PIGK: variants seen among roughly 807,000 people sequenced by gnomAD.
The protein encoded by PIGK is phosphatidylinositol glycan anchor biosynthesis class K, also known as GPI-anchor transamidase.
PIGK carries 42 observed loss-of-function variants against 50.6 expected under a neutral mutation model. The observed-to-expected ratio is 0.83, with a 90% CI of 0.65 to 1.07. The LOEUF is 1.07. Ranked by LOEUF, PIGK falls within the 50% of genes least tolerant of loss-of-function variation. The probability of loss-of-function intolerance (pLI) is 0.00; values close to 1 mark genes in which losing one functional copy is unlikely to be tolerated. For synonymous variants in PIGK, 151 were observed against 156.0 expected, an observed-to-expected ratio of 0.97 and a Z score of 0.24; for missense variants, 448 against 488.7, an observed-to-expected ratio of 0.92 and a Z score of 0.78.
At chr1:77,133,091 A>T (rs1326860922) in intron 9 of PIGK, among the ~76,000 whole-genome samples, 2 of 151,998 alleles carry the variant, frequency 1.3e-5, no homozygotes, top group African/African-American at 4.8e-5. Flanking sequence ...CACTTTAAAT[A>T]TTGTCTGTTC....
chr1:77,100,131 A>G (rs1028749314), intron 10 of PIGK, among the ~76,000 whole-genome samples: 1 of 152,210 alleles, frequency 6.6e-6, no homozygotes, highest in African/African-American at 2.4e-5. Flanking sequence ...AAATTATGTA[A>G]AAAGAAAAAA....
intron 3 of PIGK, among the ~76,000 whole-genome samples, chr1:77,198,189 T>G (rs1219015250): frequency 1.3e-5 from 2 of 152,130 alleles, no homozygotes. Flanking sequence ...TGAATTGCTT[T>G]CATTTATCCT....
At chr1:77,122,191 G>A (rs1315510496) in intron 10 of PIGK, 84 bp downstream of exon 10, 1 of 866,160 alleles carries the variant, frequency 1.2e-6, no homozygotes, top group African/African-American at 1.7e-5. Flanking sequence ...ATAGCACATT[G>A]ATTCTGAAAA....
chr1:77,172,953 C>T (rs1464996885), intron 3 of PIGK, among the ~76,000 whole-genome samples: 2 of 152,000 alleles, frequency 1.3e-5, no homozygotes, highest in Non-Finnish European at 2.9e-5. Flanking sequence ...AATAAATTTG[C>T]AGGGATTTTT....
chr1:77,186,116 A>G (rs928416483), intron 3 of PIGK, among the ~76,000 whole-genome samples: 2 of 152,202 alleles, frequency 1.3e-5, no homozygotes, highest in Non-Finnish European at 2.9e-5. Context: ...TTACATGAGG[A>G]GGTGGCTCAA....
intron 9 of PIGK, among the ~76,000 whole-genome samples, chr1:77,132,559 G>A (rs749813910): frequency 6.6e-6 from 1 of 151,830 alleles, no homozygotes; most frequent in Non-Finnish European, 1.5e-5. Flanking sequence ...TTAATTCTAT[G>A]AATACTTTAA....
chr1:77,173,388 G>A (rs573370724), intron 3 of PIGK, among the ~76,000 whole-genome samples: 1 of 152,248 alleles, frequency 6.6e-6, no homozygotes, highest in South Asian at 2.1e-4. Context: ...ACAACTGGTT[G>A]GGCAGCAACT....
At chr1:77,152,915 G>A (rs759119140) in intron 9 of PIGK, among the ~76,000 whole-genome samples, 4 of 152,060 alleles carry the variant, frequency 2.6e-5, no homozygotes, top group Non-Finnish European at 5.9e-5. Flanking sequence ...ACTATTGGTG[G>A]GAATGCAAAA....
At chr1:77,180,620 T>C (rs904834728) in intron 3 of PIGK, among the ~76,000 whole-genome samples, 3 of 149,954 alleles carry the variant, frequency 2.0e-5, no homozygotes, top group African/African-American at 7.4e-5. Flanking sequence ...TTGGTTTTTA[T>C]ATATTTTAGG....
chr1:77,098,868 T>A (rs902352555), intron 10 of PIGK, among the ~76,000 whole-genome samples: 1 of 152,196 alleles, frequency 6.6e-6, no homozygotes, highest in Admixed American at 6.6e-5. Flanking sequence ...ATCATTTTTC[T>A]TCATCATAAA....
chr1:77,174,774 C>T (rs1655444900), intron 3 of PIGK, among the ~76,000 whole-genome samples: 1 of 152,124 alleles, frequency 6.6e-6, no homozygotes, highest in Non-Finnish European at 1.5e-5. Flanking sequence ...ATCTATTTTT[C>T]CTTCCAGCTG....
chr1:77,197,666 A>G (rs1271479344), intron 3 of PIGK, among the ~76,000 whole-genome samples: 2 of 152,150 alleles, frequency 1.3e-5, no homozygotes, highest in Non-Finnish European at 2.9e-5. Flanking sequence ...ATTTTTGCCC[A>G]TCTCTGAAGC....
intron 3 of PIGK, among the ~76,000 whole-genome samples, chr1:77,179,043 G>T (rs1446523080): frequency 6.6e-6 from 1 of 152,206 alleles, no homozygotes; most frequent in Non-Finnish European, 1.5e-5. Flanking sequence ...CACAAAAAAT[G>T]GAGCTGCTTG....
At chr1:77,202,753 A>G (rs949452371) in intron 3 of PIGK, among the ~76,000 whole-genome samples, 6 of 152,232 alleles carry the variant, frequency 3.9e-5, no homozygotes, top group Non-Finnish European at 8.8e-5. Flanking sequence ...TATAGAAACA[A>G]TGCATCAGAC....
intron 10 of PIGK, among the ~76,000 whole-genome samples, chr1:77,120,793 G>A (rs1049396104): frequency 6.6e-6 from 1 of 152,122 alleles, no homozygotes; most frequent in African/African-American, 2.4e-5. Context: ...TAGGTATTTA[G>A]TAAAATCAAG....
chr1:77,102,801 T>C (rs1411910133), intron 10 of PIGK, among the ~76,000 whole-genome samples: 3 of 152,230 alleles, frequency 2.0e-5, no homozygotes, highest in Non-Finnish European at 4.4e-5. Context: ...TTTCAGCTTT[T>C]ATATTTAAAT....
chr1:77,147,348 C>T (rs1050138909), intron 9 of PIGK, among the ~76,000 whole-genome samples: 13 of 150,060 alleles, frequency 8.7e-5, no homozygotes, highest in Non-Finnish European at 1.6e-4. Context: ...AGAGCCAAAC[C>T]ATATCAGGAG....
rs59911395 is a variant in PIGK, at chr1:77,117,331, AT to A, written c.1071+4943del. Among the ~76,000 whole-genome samples, 979 of 152,306 alleles carry A rather than the reference AT, an allele frequency of 6.4e-3. 2 individuals carry two copies. The highest frequency in any genetic ancestry group is 0.014 in the Middle Eastern group (4 of 294). Reference sequence around the variant, plus strand: ...TATTGAGACTTGGAATGTCTTTCCTATTTTATGATACTTAAACCATAATTTG... The same window carrying A: ...TATTGAGACTTGGAATGTCTTTCCTATTTATGATACTTAAACCATAATTTG... On this transcript the variant is annotated intron_variant, in intron 10 of 10. Transcript: ENST00000370812.
At chr1:77,189,075 T>A (rs1179320542) in intron 3 of PIGK, among the ~76,000 whole-genome samples, 1 of 152,228 alleles carries the variant, frequency 6.6e-6, no homozygotes, top group Non-Finnish European at 1.5e-5. Context: ...TATCTTCAGT[T>A]TATTTCCTTT....
Sources: gnomAD v4.1 joint callset for allele counts (sites outside exome capture counted in the v4.1 genomes callset) on GRCh38, gnomAD v4.1.1 for gene constraint, MANE v1.5 for transcripts, NCBI Gene and HGNC (gene_info 2026-07-23, HGNC 2026-07-21) for gene names.